The following CLIC5 variants were observed in gnomAD, a reference collection of about 807,000 sequenced individuals.
CLIC5 encodes CLIC family member 5.
Under a neutral mutation model 24.7 loss-of-function variants are expected in CLIC5, and 20 were observed. The observed-to-expected ratio is 0.81, with a 90% CI of 0.57 to 1.18. The LOEUF is 1.18. Ranked by LOEUF, CLIC5 falls within the 50% of genes most tolerant of loss-of-function variation. The pLI, the probability that CLIC5 is intolerant of heterozygous loss-of-function variation, is 0.00. For missense variants in CLIC5, 341 were observed against 326.1 expected, an observed-to-expected ratio of 1.05 and a Z score of -0.35; for synonymous variants, 159 against 135.6, an observed-to-expected ratio of 1.17 and a Z score of -1.20.
At chr6:46,022,677 C>A (rs1329501932) in intron 1 of CLIC5, among the ~76,000 whole-genome samples, 1 of 152,220 alleles carries the variant, frequency 6.6e-6, no homozygotes, top group Non-Finnish European at 1.5e-5. Context: ...TGGTGCTTAG[C>A]AAAGGCAGAG....
At chr6:46,055,329 C>A (rs1768216757) in intron 1 of CLIC5, among the ~76,000 whole-genome samples, 1 of 152,196 alleles carries the variant, frequency 6.6e-6, no homozygotes. Context: ...CTTGGAACTC[C>A]AGACCTCAGG....
At chr6:46,008,093 C>T (rs1194932545) in intron 1 of CLIC5, among the ~76,000 whole-genome samples, 2 of 152,064 alleles carry the variant, frequency 1.3e-5, no homozygotes, top group Non-Finnish European at 1.5e-5. Flanking sequence ...CTAAACATAA[C>T]CCAAGTCAAT....
chr6:45,914,308 C>G lies in CLIC5; in HGVS notation c.508G>C (p.Gly170Arg), dbSNP rs114149334. 504 of 1,607,058 alleles carry G rather than the reference C, an allele frequency of 3.1e-4. 1 individual carries two copies. The African/African-American group carries it at 5.9e-3, about 19-fold the overall frequency. Residue 170 changes from glycine to arginine, a missense_variant, in exon 5 of 6, where the codon GGG becomes CGG. By Grantham distance (125) the Gly-to-Arg change is moderately radical. Coordinates refer to ENST00000339561, the MANE Select transcript of CLIC5 (RefSeq NM_016929.5). ...IDANTCGEDK[G>R]SRRKFLDGDE... ...CCATCCAGGAACTTGCGCCGGGACC[C>G]CTTGTCTTCCCCACAAGTGTTGGCG...
intron 1 of CLIC5, among the ~76,000 whole-genome samples, chr6:46,045,092 G>A (rs1484616233): frequency 6.6e-6 from 1 of 152,064 alleles, no homozygotes; most frequent in African/African-American, 2.4e-5. Flanking sequence ...AGAGTAAAAT[G>A]CCCTGTTGCA....
chr6:46,101,930 G>A, the CLIC5 span, among the ~76,000 whole-genome samples: 1 of 150,264 alleles, frequency 6.7e-6, no homozygotes, highest in African/African-American at 2.4e-5. Flanking sequence ...AATATTTTAG[G>A]CTCATTCCAG....
intron 1 of CLIC5, among the ~76,000 whole-genome samples, chr6:46,001,590 C>G (rs900565748): frequency 5.9e-5 from 9 of 152,294 alleles, no homozygotes; most frequent in African/African-American, 2.2e-4. Context: ...CAGGTCCCAG[C>G]TGGCTTCCCC....
chr6:45,925,956 G>A (rs1581746204), intron 4 of CLIC5, among the ~76,000 whole-genome samples: 1 of 152,134 alleles, frequency 6.6e-6, no homozygotes, highest in Non-Finnish European at 1.5e-5. Flanking sequence ...AGGTAGGACT[G>A]AGGCAGTTTC....
the CLIC5 span, among the ~76,000 whole-genome samples, chr6:46,086,008 A>G: frequency 6.6e-6 from 1 of 152,188 alleles, no homozygotes; most frequent in Non-Finnish European, 1.5e-5. Flanking sequence ...CTGCTGTGCT[A>G]GCAATCAGTG....
chr6:45,968,231 C>T (rs1440652318), intron 1 of CLIC5, among the ~76,000 whole-genome samples: 1 of 152,164 alleles, frequency 6.6e-6, no homozygotes, highest in African/African-American at 2.4e-5. Flanking sequence ...GCCAGCATGC[C>T]TCTCCCCACT....
At chr6:45,987,738 G>GGA (rs147799533) in intron 1 of CLIC5, among the ~76,000 whole-genome samples, 12 of 151,770 alleles carry the variant, frequency 7.9e-5, no homozygotes, top group East Asian at 3.9e-4. Context: ...AGAAGGAGAG[G>GGA]GAGAGAGAGA....
At chr6:46,024,808 C>A (rs1174513995) in intron 1 of CLIC5, among the ~76,000 whole-genome samples, 1 of 152,136 alleles carries the variant, frequency 6.6e-6, no homozygotes, top group African/African-American at 2.4e-5. Flanking sequence ...GGACATGAGG[C>A]ATCAACACAG....
intron 1 of CLIC5, among the ~76,000 whole-genome samples, chr6:45,963,968 A>T (rs60982708): frequency 2.6e-5 from 4 of 152,114 alleles, no homozygotes; most frequent in African/African-American, 9.6e-5. Flanking sequence ...TTATTTATCT[A>T]CTCTCAGAAA....
intron 4 of CLIC5, among the ~76,000 whole-genome samples, chr6:45,917,349 C>T (rs2127319348): frequency 6.6e-6 from 1 of 152,314 alleles, no homozygotes; most frequent in Middle Eastern, 3.4e-3. Flanking sequence ...GTAGTTGTTG[C>T]TATTGCCTTA....
rs558020456 is a variant in CLIC5, at chr6:46,069,804, A to T, written c.540+9899T>A. Among the ~76,000 whole-genome samples the T allele has an allele frequency of 5.5e-4, 84 of 152,322 alleles. 1 individual carries two copies. Among genetic ancestry groups the T allele is most frequent in the Non-Finnish European group, 7.9e-4 (54 of 68,016 alleles). Reference sequence around the variant, plus strand: ...CTTCAGGCCAATATCTATGATGAACATTAATGCAAAAATCTTCCACAAAAT... The same window carrying T: ...CTTCAGGCCAATATCTATGATGAACTTTAATGCAAAAATCTTCCACAAAAT... On this transcript the variant is annotated intron_variant, in intron 1 of 5. Transcript: ENST00000185206.
At chr6:45,958,715 A>T (rs1764750436) in intron 1 of CLIC5, among the ~76,000 whole-genome samples, 1 of 151,744 alleles carries the variant, frequency 6.6e-6, no homozygotes, top group Admixed American at 6.6e-5. Context: ...ATATGCTATT[A>T]TATATTGCCT....
downstream of CLIC5, among the ~76,000 whole-genome samples, chr6:45,897,247 G>T (rs1762406269): frequency 6.6e-6 from 1 of 152,182 alleles, no homozygotes; most frequent in Non-Finnish European, 1.5e-5. Flanking sequence ...ACAACAAGGG[G>T]ATATTTCTCA....
chr6:46,010,767 G>C (rs1235360941), intron 1 of CLIC5, among the ~76,000 whole-genome samples: 1 of 152,208 alleles, frequency 6.6e-6, no homozygotes, highest in Non-Finnish European at 1.5e-5. Flanking sequence ...GTGTTACCAG[G>C]AGAAGAAGCA....
intron 1 of CLIC5, among the ~76,000 whole-genome samples, chr6:45,985,508 C>T (rs868075217): frequency 5.3e-5 from 8 of 152,122 alleles, no homozygotes; most frequent in African/African-American, 1.9e-4. Context: ...GAAGTGACTC[C>T]TTTCTTAGCA....
At chr6:45,969,808 T>G (rs970671709) in intron 1 of CLIC5, among the ~76,000 whole-genome samples, 6 of 150,666 alleles carry the variant, frequency 4.0e-5, no homozygotes, top group African/African-American at 7.3e-5. Context: ...TTTTTTTTTT[T>G]TTTTTTTTTT....
Sources: gnomAD v4.1 joint callset for allele counts (sites outside exome capture counted in the v4.1 genomes callset) on GRCh38, gnomAD v4.1.1 for gene constraint, MANE v1.5 for transcripts, NCBI Gene and HGNC (gene_info 2026-07-23, HGNC 2026-07-21) for gene names.